SIM1: variants seen among roughly 807,000 people sequenced by gnomAD.
The protein encoded by SIM1 is single-minded homolog 1.
SIM1 carries 18 observed loss-of-function variants against 78.2 expected under a neutral mutation model. The observed-to-expected ratio is 0.23, with a 90% CI of 0.16 to 0.34. SIM1 has a LOEUF of 0.34. Among genes scored for constraint, SIM1 ranks in the 10% least tolerant of loss-of-function variants. SIM1 has a pLI of 1.00. For synonymous variants in SIM1, 417 were observed against 385.2 expected, an observed-to-expected ratio of 1.08 and a Z score of -0.97; for missense variants, 939 against 975.1, an observed-to-expected ratio of 0.96 and a Z score of 0.49.
At chr6:100,440,555 G>A (rs1332906760) in intron 9 of SIM1, among the ~76,000 whole-genome samples, 4 of 152,178 alleles carry the variant, frequency 2.6e-5, no homozygotes, top group Non-Finnish European at 5.9e-5. Flanking sequence ...TCCTTGCAAT[G>A]CCAAGGCGAG....
At position 100,449,460 on chromosome 6, in the gene SIM1, G is replaced by A. The variant is rs1342471174; in HGVS notation, c.458-12C>T. Reference sequence around the variant, plus strand: ...CTCGATCTCATACTCTGGGAGAGAGGAACGAAGGGAAGCTCAGGTCGTGTG... The same window carrying A: ...CTCGATCTCATACTCTGGGAGAGAGAAACGAAGGGAAGCTCAGGTCGTGTG... On this transcript the variant is annotated splice_polypyrimidine_tract_variant and intron_variant, in intron 5 of 11. Coordinates refer to ENST00000369208, the MANE Select transcript of SIM1 (RefSeq NM_005068.3). The A allele has an allele frequency of 6.2e-7, 1 of 1,611,030 alleles. No individual in the cohort carries two copies.
chr6:100,435,646 G>GA (rs1319638283), intron 9 of SIM1, among the ~76,000 whole-genome samples: 1 of 151,586 alleles, frequency 6.6e-6, no homozygotes, highest in East Asian at 1.9e-4. Context: ...TCTTATAAAA[G>GA]AAAAAAGAAG....
intron 11 of SIM1, among the ~76,000 whole-genome samples, chr6:100,391,927 C>A (rs965158150): frequency 1.3e-5 from 2 of 152,144 alleles, no homozygotes; most frequent in South Asian, 2.1e-4. Flanking sequence ...AATCCCAGCA[C>A]TTTGGGAGGC....
intron 9 of SIM1, among the ~76,000 whole-genome samples, chr6:100,445,012 T>A (rs376671411): frequency 2.6e-5 from 4 of 152,324 alleles, no homozygotes; most frequent in African/African-American, 9.6e-5. Context: ...AATTCACTTG[T>A]CATTCTCAGG....
chr6:100,456,618 T>C (rs1772670645), intron 2 of SIM1, among the ~76,000 whole-genome samples: 1 of 152,226 alleles, frequency 6.6e-6, no homozygotes, highest in Non-Finnish European at 1.5e-5. Context: ...AGAATCTATT[T>C]TGGAAGATTT....
At chr6:100,412,795 A>G (rs1451968836) in intron 10 of SIM1, among the ~76,000 whole-genome samples, 1 of 152,182 alleles carries the variant, frequency 6.6e-6, no homozygotes, top group Non-Finnish European at 1.5e-5. Context: ...GAACGAAGGA[A>G]GGAAGGACGG....
At chr6:100,424,802 C>G (rs994707448) in intron 9 of SIM1, among the ~76,000 whole-genome samples, 5 of 152,160 alleles carry the variant, frequency 3.3e-5, no homozygotes, top group Non-Finnish European at 7.3e-5. Context: ...GTGCCTAGAA[C>G]ATAGTAAATG....
chr6:100,393,406 C>A (rs1271517298), intron 11 of SIM1, 81 bp downstream of exon 11: 1 of 1,181,108 alleles, frequency 8.5e-7, no homozygotes, highest in Non-Finnish European at 1.1e-6. Context: ...ACTATTTGGT[C>A]ATTCACTCTA....
At position 100,389,926 on chromosome 6, in the gene SIM1, T is replaced by C. The variant is rs907030148; in HGVS notation, c.*435A>G. The C allele has an allele frequency of 5.1e-6, 2 of 394,022 alleles. No homozygotes were observed. The highest frequency in any genetic ancestry group is 4.1e-5 in the African/African-American group (2 of 48,506). The allele number at this position is 394,022 out of a possible 1,614,324, so 24.4% of individuals were successfully genotyped here. On this transcript the variant is annotated 3_prime_UTR_variant, in exon 12 of 12. Transcript: ENST00000369208. Reference sequence around the variant, plus strand: ...TTAGTGTGACAGAGTCAAAGAAAATTACCCATTTTTGATGTATTTACATTA... The same window carrying C: ...TTAGTGTGACAGAGTCAAAGAAAATCACCCATTTTTGATGTATTTACATTA...
chr6:100,416,112 A>T (rs1239359026), intron 10 of SIM1, among the ~76,000 whole-genome samples: 2 of 152,146 alleles, frequency 1.3e-5, no homozygotes, highest in East Asian at 3.9e-4. Flanking sequence ...TCTCACCCTG[A>T]ATCCTTAAAA....
rs145933864 is a variant in SIM1, at chr6:100,390,697, T to A, written c.1965A>T (p.Leu655=). Residue 655 remains leucine (L), a synonymous_variant, in exon 12 of 12, where the codon CTA becomes CTT. Coordinates refer to ENST00000369208, the MANE Select transcript of SIM1 (RefSeq NM_005068.3). ...CCGAATTGGGACTACTTATCCGAGA[T>A]AGTGCGGTGGGACTGTTGTCATAGT... ...ENDYDNSPTA[L]SRISSPNSDR... is the part of the protein sequence containing the mutation. The A allele has an allele frequency of 5.6e-6, 9 of 1,614,014 alleles. No individual in the cohort carries two copies. In the African/African-American group the frequency reaches 1.2e-4, roughly 22 times the overall value.
Position 100,463,421 on chromosome 6 carries a change from T to C in SIM1, c.48A>G (p.Glu16=). The C allele has an allele frequency of 6.2e-7, 1 of 1,613,968 alleles. No homozygotes were observed. The highest frequency in any genetic ancestry group is 8.5e-7 in the Non-Finnish European group (1 of 1,179,854). ...KNAARTRREK[E]NSEFYELAKL... is the part of the protein sequence containing the mutation. ...TAGCCAGTTCATAAAATTCACTGTTTTCCTTCTCCCTCCTAGTCCGCGCAG... is the reference window on the plus strand; with the variant it reads ...TAGCCAGTTCATAAAATTCACTGTTCTCCTTCTCCCTCCTAGTCCGCGCAG... Residue 16 remains glutamate (E), a synonymous_variant, in exon 2 of 12, where the codon GAA becomes GAG. Transcript: ENST00000369208.
At chr6:100,429,214 C>CA (rs764492366) in intron 9 of SIM1, among the ~76,000 whole-genome samples, 55 of 152,078 alleles carry the variant, frequency 3.6e-4, no homozygotes, top group Admixed American at 5.9e-4. Context: ...ACAAAAAATA[C>CA]AAAAAATTAG....
chr6:100,412,569 AAGAAAGAAAGAAAG>A (rs1562239418), intron 10 of SIM1, among the ~76,000 whole-genome samples: 1,999 of 107,640 alleles, frequency 0.019, 186 homozygotes, highest in East Asian at 0.13. Flanking sequence ...GAAAGAAAGA[AAGAAAGAAAGAAAG>A]AAAGAAAGAA....
In SIM1 at chr6:100,439,984, G is replaced by A. The variant is rs575653949; in HGVS notation, c.998+7284C>T. Among the ~76,000 whole-genome samples, 7 of 152,306 alleles carry A rather than the reference G, an allele frequency of 4.6e-5. No homozygotes were observed. In the East Asian group the frequency reaches 1.4e-3, roughly 29 times the overall value. On this transcript the variant is annotated intron_variant, in intron 9 of 11. Coordinates refer to ENST00000369208, the MANE Select transcript of SIM1 (RefSeq NM_005068.3). ...TTGGAGGTTTGTGTGTTAAGGGATA[G>A]GGGAGGGAAGAGAAAATAAACACCT...
intron 9 of SIM1, among the ~76,000 whole-genome samples, chr6:100,434,152 T>A (rs1771978761): frequency 6.6e-6 from 1 of 152,210 alleles, no homozygotes; most frequent in African/African-American, 2.4e-5. Flanking sequence ...TAAAATGCTA[T>A]CCTGCACGTT....
rs1313755543 is a variant in SIM1, at chr6:100,389,982, T to C, written c.*379A>G. ...CCTATATTTCCATATGTAAAATGTA[T>C]ACCGCAGTTTGTAAGTAATAGTTTG... On this transcript the variant is annotated 3_prime_UTR_variant, in exon 12 of 12. Coordinates refer to ENST00000369208, the MANE Select transcript of SIM1 (RefSeq NM_005068.3). 5.1e-6 allele frequency: 2 copies of C among 388,386 alleles called. No individual in the cohort carries two copies. Among genetic ancestry groups the C allele is most frequent in the Admixed American group, 4.1e-5 (1 of 24,388 alleles). 24.1% of individuals were successfully genotyped at this position (388,386 alleles called of 1,614,324 possible). A position where few individuals can be genotyped will look rare whatever the true frequency, so the allele number is the denominator to read the frequency against.
chr6:100,458,650 G>A (rs1409773042), intron 2 of SIM1, among the ~76,000 whole-genome samples: 1 of 152,206 alleles, frequency 6.6e-6, no homozygotes, highest in Non-Finnish European at 1.5e-5. Context: ...GGCCACCGCG[G>A]ACAGAGGATG....
rs1270081455 is a variant in SIM1 at position 100,391,161 on chromosome 6, C to T, written c.1571-70G>A. 11 of 1,457,262 alleles carry T rather than the reference C, an allele frequency of 7.5e-6. No homozygotes were observed. The African/African-American group carries it at 1.1e-4, about 15-fold the overall frequency. 90.3% of individuals were successfully genotyped at this position (1,457,262 alleles called of 1,614,324 possible). On this transcript the variant is annotated intron_variant, in intron 11 of 11. Coordinates refer to ENST00000369208, the MANE Select transcript of SIM1 (RefSeq NM_005068.3). ...CCTCAAAATAAGTATATTTCCTTTA[C>T]CTATTAAAATAAACTTTATATCTTT... is the stretch of plus-strand genomic sequence containing the variant.
Sources: allele counts gnomAD v4.1 joint callset (sites outside exome capture counted in the v4.1 genomes callset), GRCh38; gene constraint gnomAD v4.1.1; transcripts MANE v1.5; gene names NCBI Gene and HGNC (gene_info 2026-07-23, HGNC 2026-07-21).